The following CCSER1 variants were observed in gnomAD, a reference collection of about 807,000 sequenced individuals.
CCSER1 encodes serine-rich coiled-coil domain-containing protein 1.
In CCSER1, 41 loss-of-function variants were observed where a neutral mutation model predicts 82.0. That is an observed-to-expected ratio of 0.50 (90% CI 0.39 to 0.65). CCSER1 has a LOEUF of 0.65. Among genes scored for constraint, CCSER1 ranks in the 30% least tolerant of loss-of-function variants. The pLI, the probability that CCSER1 is intolerant of heterozygous loss-of-function variation, is 0.00. For missense variants in CCSER1, 1,119 were observed against 1,064.2 expected (o/e 1.05, Z -0.72); for synonymous variants, 414 against 383.9 (o/e 1.08, Z -0.92).
chr4:90,425,464 A>T (rs1237601722), intron 4 of CCSER1, among the ~76,000 whole-genome samples: 1 of 152,208 alleles, frequency 6.6e-6, no homozygotes, highest in African/African-American at 2.4e-5. Context: ...CAAGCAATGT[A>T]CATCTATAGT....
chr4:90,233,917 C>G (rs1279241195), intron 1 of CCSER1, among the ~76,000 whole-genome samples: 16 of 152,178 alleles, frequency 1.1e-4, no homozygotes, highest in Non-Finnish European at 8.8e-5. Flanking sequence ...TTATGCCTTT[C>G]TTACATACGT....
At chr4:90,328,338 CT>C (rs10716547) in intron 3 of CCSER1, among the ~76,000 whole-genome samples, 96,368 of 150,196 alleles carry the variant, frequency 0.64, 32,309 homozygotes, top group African/African-American at 0.85. Flanking sequence ...GGATTCTCTC[CT>C]TTTTTTTTTG....
intron 9 of CCSER1, among the ~76,000 whole-genome samples, chr4:90,959,506 C>A (rs1243450488): frequency 2.0e-5 from 3 of 152,030 alleles, no homozygotes; most frequent in Non-Finnish European, 4.4e-5. Context: ...TTTCTTTGTT[C>A]TTTTATTTAA....
intron 10 of CCSER1, among the ~76,000 whole-genome samples, chr4:91,497,019 T>A (rs1041202719): frequency 3.3e-5 from 5 of 150,478 alleles, no homozygotes; most frequent in Admixed American, 6.7e-5. Flanking sequence ...GCTATTCTTT[T>A]CTGTATTAGA....
At chr4:91,491,948 GTT>G (rs10717215) in intron 10 of CCSER1, among the ~76,000 whole-genome samples, 1,401 of 124,544 alleles carry the variant, frequency 0.011, 7 homozygotes, top group African/African-American at 0.021. Flanking sequence ...ATTGCTAATA[GTT>G]TTTTTTTTTT....
At chr4:90,488,598 A>G (rs1767499970) in intron 5 of CCSER1, among the ~76,000 whole-genome samples, 1 of 152,240 alleles carries the variant, frequency 6.6e-6, no homozygotes, top group South Asian at 2.1e-4. Flanking sequence ...GGAGACCAAA[A>G]TTGCATAAGA....
chr4:90,239,650 AT>A (rs1029006411), intron 1 of CCSER1, among the ~76,000 whole-genome samples: 3 of 151,310 alleles, frequency 2.0e-5, no homozygotes, highest in East Asian at 1.9e-4. Context: ...ATTATTTTTA[AT>A]TTTTTTTTGT....
At chr4:91,146,765 G>A (rs1729585428) in intron 10 of CCSER1, among the ~76,000 whole-genome samples, 1 of 152,094 alleles carries the variant, frequency 6.6e-6, no homozygotes, top group Admixed American at 6.6e-5. Flanking sequence ...GCTTTCACAG[G>A]TGTTGTAGGT....
intron 1 of CCSER1, among the ~76,000 whole-genome samples, chr4:90,230,135 C>T (rs1744155717): frequency 2.0e-5 from 3 of 152,164 alleles, no homozygotes; most frequent in Admixed American, 1.3e-4. Flanking sequence ...TAGACATCTA[C>T]AGAACTCTCC....
At chr4:90,999,793 T>G (rs1445038129) in intron 9 of CCSER1, among the ~76,000 whole-genome samples, 1 of 150,920 alleles carries the variant, frequency 6.6e-6, no homozygotes, top group Non-Finnish European at 1.5e-5. Flanking sequence ...TATTTGTTTT[T>G]GTTTTTGTTT....
chr4:90,619,949 G>A (rs527241941), intron 5 of CCSER1, among the ~76,000 whole-genome samples: 72 of 152,194 alleles, frequency 4.7e-4, no homozygotes, highest in Non-Finnish European at 2.1e-4. Flanking sequence ...ATGGCATGGA[G>A]AAAAGGTACT....
chr4:90,408,824 A>G (rs1754182124), intron 4 of CCSER1, among the ~76,000 whole-genome samples: 1 of 152,208 alleles, frequency 6.6e-6, no homozygotes, highest in Non-Finnish European at 1.5e-5. Flanking sequence ...TCAGAAGATC[A>G]AACTACTCCA....
intron 8 of CCSER1, among the ~76,000 whole-genome samples, chr4:90,901,689 C>G (rs1054600582): frequency 6.6e-5 from 10 of 151,864 alleles, no homozygotes; most frequent in Non-Finnish European, 1.3e-4. Context: ...GGTAACTTGT[C>G]CCTTTTCTCA....
intron 10 of CCSER1, among the ~76,000 whole-genome samples, chr4:91,440,439 A>G (rs1249030341): frequency 6.6e-6 from 1 of 152,218 alleles, no homozygotes; most frequent in Non-Finnish European, 1.5e-5. Flanking sequence ...AAGATACAAC[A>G]TACCAGAATC....
At chr4:90,389,087 T>A (rs1227728455) in intron 3 of CCSER1, among the ~76,000 whole-genome samples, 1 of 152,234 alleles carries the variant, frequency 6.6e-6, no homozygotes, top group Non-Finnish European at 1.5e-5. Context: ...CAACGATTTT[T>A]AACAAGAAGG....
At chr4:90,349,560 A>G (rs1743046594) in intron 3 of CCSER1, among the ~76,000 whole-genome samples, 2 of 152,028 alleles carry the variant, frequency 1.3e-5, no homozygotes, top group South Asian at 2.1e-4. Flanking sequence ...TTCACCTTGT[A>G]TATACTGTTT....
chr4:91,472,817 A>G (rs1188609049), intron 10 of CCSER1, among the ~76,000 whole-genome samples: 1 of 152,208 alleles, frequency 6.6e-6, no homozygotes, highest in African/African-American at 2.4e-5. Flanking sequence ...ATAAAAAATC[A>G]TTAGATGGAT....
chr4:91,398,511 A>G (rs1365894564), intron 10 of CCSER1, among the ~76,000 whole-genome samples: 1 of 151,936 alleles, frequency 6.6e-6, no homozygotes, highest in Non-Finnish European at 1.5e-5. Context: ...AAAAGATAAT[A>G]AAAAATAGAT....
intron 1 of CCSER1, among the ~76,000 whole-genome samples, chr4:90,147,142 ATGTGTAAGACACTTTACTGTGTCTTTCTG>A (rs1332625017): frequency 2.5e-3 from 370 of 150,700 alleles, no homozygotes; most frequent in Middle Eastern, 0.01. Context: ...AATGCTTTCC[ATGTGTAAGACACTTTACTGTGTCTTTCTG>A]TGTGTAAGAC....
Sources: allele counts gnomAD v4.1 joint callset (sites outside exome capture counted in the v4.1 genomes callset), GRCh38; gene constraint gnomAD v4.1.1; transcripts MANE v1.5; gene names NCBI Gene and HGNC (gene_info 2026-07-23, HGNC 2026-07-21).